Variants in PDE3B observed in about 807,000 individuals in gnomAD.
PDE3B encodes the protein cGMP-inhibited 3',5'-cyclic phosphodiesterase 3B.
A neutral mutation model predicts 116.8 loss-of-function variants in PDE3B; 66 were observed. The observed-to-expected ratio is 0.56, with a 90% CI of 0.46 to 0.69. The LOEUF (loss-of-function observed/expected upper bound fraction) is 0.69. Among genes scored for constraint, PDE3B ranks in the 30% least tolerant of loss-of-function variants. The pLI, the probability that PDE3B is intolerant of heterozygous loss-of-function variation, is 0.00. For missense variants in PDE3B, 1,384 were observed against 1,368.1 expected, an observed-to-expected ratio of 1.01 and a Z score of -0.18; for synonymous variants, 595 against 533.6, an observed-to-expected ratio of 1.12 and a Z score of -1.59.
chr11:14,783,874 C>A (rs539887828), intron 2 of PDE3B, among the ~76,000 whole-genome samples: 5 of 152,142 alleles, frequency 3.3e-5, no homozygotes, highest in Non-Finnish European at 2.9e-5. Flanking sequence ...TTAAACCAGG[C>A]GTCACCAACC....
intron 7 of PDE3B, among the ~76,000 whole-genome samples, chr11:14,820,736 C>T (rs1447218543): frequency 6.6e-6 from 1 of 152,142 alleles, no homozygotes; most frequent in African/African-American, 2.4e-5. Flanking sequence ...CCCCAGAAAA[C>T]TCTCTTTCCC....
intron 4 of PDE3B, among the ~76,000 whole-genome samples, chr11:14,801,529 C>G (rs1393694538): frequency 6.6e-6 from 1 of 152,140 alleles, no homozygotes; most frequent in Non-Finnish European, 1.5e-5. Flanking sequence ...GGGACACCTG[C>G]CAGATGCCAG....
chr11:14,730,542 G>T (rs1273234122), intron 1 of PDE3B, among the ~76,000 whole-genome samples: 4 of 152,096 alleles, frequency 2.6e-5, no homozygotes, highest in Admixed American at 2.6e-4. Flanking sequence ...CAGAGACTTG[G>T]TTGGACACAT....
intron 12 of PDE3B, among the ~76,000 whole-genome samples, chr11:14,855,392 T>A (rs1360851120): frequency 6.6e-6 from 1 of 151,998 alleles, no homozygotes; most frequent in East Asian, 1.9e-4. Context: ...AATACATCTA[T>A]AAAAGAACAA....
chr11:14,821,866 T>A (rs969369754), intron 7 of PDE3B, among the ~76,000 whole-genome samples: 1 of 152,072 alleles, frequency 6.6e-6, no homozygotes, highest in African/African-American at 2.4e-5. Context: ...GATTTGAACC[T>A]AGTTTTCTGA....
At chr11:14,767,291 T>C (rs913008981) in intron 1 of PDE3B, among the ~76,000 whole-genome samples, 13 of 151,562 alleles carry the variant, frequency 8.6e-5, no homozygotes, top group African/African-American at 3.1e-4. Context: ...GAATATAGGG[T>C]AAATGAATTA....
chr11:14,847,653 G>T (rs987403917), intron 12 of PDE3B, among the ~76,000 whole-genome samples: 2 of 152,086 alleles, frequency 1.3e-5, no homozygotes, highest in Non-Finnish European at 2.9e-5. Context: ...TGATAAAGGG[G>T]ATATCACCAC....
intron 4 of PDE3B, among the ~76,000 whole-genome samples, chr11:14,790,679 A>G (rs1301161121): frequency 6.6e-6 from 1 of 152,132 alleles, no homozygotes; most frequent in African/African-American, 2.4e-5. Context: ...GACTTAACTC[A>G]TTAAAACAAA....
chr11:14,721,780 T>A (rs1437483933), intron 1 of PDE3B, among the ~76,000 whole-genome samples: 1 of 9,146 alleles, frequency 1.1e-4, no homozygotes, highest in Non-Finnish European at 1.8e-4. Context: ...GTGGTGCGGG[T>A]GGGGGCAGGG....
rs563200402 is a variant in PDE3B at position 14,824,610 on chromosome 11, T to C, written c.1807+5401T>C. Among the ~76,000 whole-genome samples the C allele has an allele frequency of 5.3e-4, 81 of 152,220 alleles. 1 individual carries two copies. Among genetic ancestry groups the C allele is most frequent in the African/African-American group, 1.9e-3 (80 of 41,530 alleles). On this transcript the variant is annotated intron_variant, in intron 7 of 15. Coordinates refer to ENST00000282096, the MANE Select transcript of PDE3B (RefSeq NM_000922.4). Reference sequence around the variant, plus strand: ...TTATTTTAAAAAGAATGAAAAGGAATGAGCAAAACCTCTAGAAATATGGGA... The same window carrying C: ...TTATTTTAAAAAGAATGAAAAGGAACGAGCAAAACCTCTAGAAATATGGGA...
chr11:14,872,836 T>C (rs150728515), downstream of PDE3B, among the ~76,000 whole-genome samples: 2 of 152,346 alleles, frequency 1.3e-5, no homozygotes, highest in African/African-American at 4.8e-5. Flanking sequence ...TGGTTGCGGA[T>C]GCAGAACCTG....
intron 10 of PDE3B, 98 bp downstream of exon 10, chr11:14,832,931 A>G: frequency 1.6e-6 from 1 of 607,682 alleles, no homozygotes; most frequent in Non-Finnish European, 2.9e-6. Context: ...ACACTTTTAA[A>G]ACTGCTTGTT....
intron 1 of PDE3B, among the ~76,000 whole-genome samples, chr11:14,769,941 T>C (rs1234047720): frequency 6.6e-6 from 1 of 151,202 alleles, no homozygotes; most frequent in Non-Finnish European, 1.5e-5. Flanking sequence ...TTTAATCATG[T>C]AGGTCAATGA....
downstream of PDE3B, among the ~76,000 whole-genome samples, chr11:14,874,364 T>C (rs946392289): frequency 6.6e-6 from 1 of 152,160 alleles, no homozygotes; most frequent in Non-Finnish European, 1.5e-5. Flanking sequence ...ACCTTTTTGA[T>C]AGGTGAGATA....
intron 6 of PDE3B, 106 bp downstream of exon 6, chr11:14,818,499 C>T (rs920432606): frequency 2.9e-6 from 2 of 680,002 alleles, no homozygotes; most frequent in Admixed American, 5.6e-5. Context: ...AGCTAAATGA[C>T]CATAGTTTTT....
At chr11:14,892,353 C>T in the PDE3B span, 6 of 728,940 alleles carry the variant, frequency 8.2e-6, no homozygotes, top group Non-Finnish European at 1.1e-5. Context: ...CAGGCCCCTT[C>T]GGGACAACTA....
chr11:14,688,294 A>G (rs552116560), intron 1 of PDE3B, among the ~76,000 whole-genome samples: 56 of 152,296 alleles, frequency 3.7e-4, no homozygotes, highest in African/African-American at 1.3e-3. Context: ...TTGTTTAACT[A>G]TGGAATCTTC....
At chr11:14,669,107 G>A (rs1854283779) in intron 1 of PDE3B, among the ~76,000 whole-genome samples, 1 of 152,144 alleles carries the variant, frequency 6.6e-6, no homozygotes, top group African/African-American at 2.4e-5. Context: ...GCAGATAGCC[G>A]TTATCACCTT....
intron 1 of PDE3B, among the ~76,000 whole-genome samples, chr11:14,706,166 C>T (rs1426917980): frequency 1.3e-5 from 2 of 151,740 alleles, no homozygotes; most frequent in East Asian, 3.9e-4. Flanking sequence ...TCCCTTCTCT[C>T]CCTCTTCTAC....
Sources: gnomAD v4.1 joint callset for allele counts (sites outside exome capture counted in the v4.1 genomes callset) on GRCh38, gnomAD v4.1.1 for gene constraint, MANE v1.5 for transcripts, NCBI Gene and HGNC (gene_info 2026-07-23, HGNC 2026-07-21) for gene names.